HIP1: variants seen among roughly 807,000 people sequenced by gnomAD.
HIP1 encodes huntingtin-interacting protein 1.
HIP1 carries 65 observed loss-of-function variants against 147.6 expected under a neutral mutation model. The observed-to-expected ratio is 0.44, with a 90% confidence interval of 0.36 to 0.54. The LOEUF (loss-of-function observed/expected upper bound fraction) is 0.54, where lower values mean the gene tolerates loss of function less well. Ranked by LOEUF, HIP1 falls within the 20% of genes least tolerant of loss-of-function variation. HIP1 has a pLI of 0.00. For missense variants in HIP1, 1,061 were observed against 1,299.6 expected (o/e 0.82, Z 2.82); for synonymous variants, 479 against 504.0 (o/e 0.95, Z 0.67).
intron 1 of HIP1, among the ~76,000 whole-genome samples, chr7:75,650,192 A>AG (rs1563269501): frequency 1.3e-5 from 2 of 152,144 alleles, no homozygotes; most frequent in African/African-American, 2.4e-5. Context: ...CAGGGGTCAG[A>AG]GGGCCTTTTA....
intron 1 of HIP1, among the ~76,000 whole-genome samples, chr7:75,696,561 C>A (rs1800643093): frequency 9.4e-6 from 1 of 106,202 alleles, no homozygotes; most frequent in Non-Finnish European, 2.0e-5. Flanking sequence ...CCTCCCCTCC[C>A]TTCCCCTCGC....
chr7:75,708,328 T>C (rs1801064010), intron 1 of HIP1, among the ~76,000 whole-genome samples: 1 of 152,224 alleles, frequency 6.6e-6, no homozygotes, highest in Non-Finnish European at 1.5e-5. Flanking sequence ...TAGTGTCTAT[T>C]GATGCCCCAA....
At chr7:75,674,388 A>C (rs1279985319) in intron 1 of HIP1, among the ~76,000 whole-genome samples, 1 of 152,032 alleles carries the variant, frequency 6.6e-6, no homozygotes, top group African/African-American at 2.4e-5. Context: ...TTAATTTCTC[A>C]CTCATTTTTG....
chr7:75,715,774 CAAAAAA>C (rs34769081), intron 1 of HIP1, among the ~76,000 whole-genome samples: 8 of 36,718 alleles, frequency 2.2e-4, no homozygotes, highest in Non-Finnish European at 3.2e-4. Context: ...GATCCTGTCT[CAAAAAA>C]AAAAAAAAAA....
At chr7:75,646,125 G>C (rs1160284954) in intron 1 of HIP1, among the ~76,000 whole-genome samples, 1 of 152,010 alleles carries the variant, frequency 6.6e-6, no homozygotes, top group Non-Finnish European at 1.5e-5. Flanking sequence ...TGTTACCCAG[G>C]CTGGAGTGCA....
intron 1 of HIP1, among the ~76,000 whole-genome samples, chr7:75,681,218 A>C (rs559108665): frequency 8.3e-4 from 127 of 152,158 alleles, no homozygotes; most frequent in Non-Finnish European, 1.1e-3. Flanking sequence ...CAGTGATAAA[A>C]TATAACTTTC....
chr7:75,692,334 C>T (rs552299018), intron 1 of HIP1, among the ~76,000 whole-genome samples: 4 of 152,042 alleles, frequency 2.6e-5, no homozygotes, highest in Admixed American at 2.6e-4. Flanking sequence ...TCATAGCTTA[C>T]TGCAGCTTCC....
chr7:75,612,403 G>A (rs868950270), intron 1 of HIP1, among the ~76,000 whole-genome samples: 5 of 152,294 alleles, frequency 3.3e-5, no homozygotes, highest in Middle Eastern at 3.4e-3. Context: ...CAGCTACTCA[G>A]GAGGCTGAGG....
chr7:75,653,696 T>TA (rs1269150830), intron 1 of HIP1, among the ~76,000 whole-genome samples: 3 of 151,762 alleles, frequency 2.0e-5, no homozygotes, highest in African/African-American at 4.8e-5. Flanking sequence ...CTATCTCTAC[T>TA]AAAAAATACA....
At chr7:75,613,544 G>A (rs782048162) in intron 1 of HIP1, among the ~76,000 whole-genome samples, 6 of 152,080 alleles carry the variant, frequency 3.9e-5, no homozygotes, top group Non-Finnish European at 5.9e-5. Flanking sequence ...CTTCTCATCC[G>A]CCTTTGGTCC....
chr7:75,655,973 G>T (rs188282952), intron 1 of HIP1, among the ~76,000 whole-genome samples: 1 of 152,098 alleles, frequency 6.6e-6, no homozygotes, highest in Admixed American at 6.6e-5. Flanking sequence ...ACAAAAATTA[G>T]CCAGGTGTGG....
chr7:75,664,039 CACAT>C (rs1799433733), intron 1 of HIP1, among the ~76,000 whole-genome samples: 1 of 23,826 alleles, frequency 4.2e-5, no homozygotes, highest in African/African-American at 4.5e-4. Context: ...TATATATATA[CACAT>C]ATATGTGTAT....
chr7:75,677,110 G>A (rs556398715), intron 1 of HIP1, among the ~76,000 whole-genome samples: 1 of 151,566 alleles, frequency 6.6e-6, no homozygotes, highest in South Asian at 2.1e-4. Context: ...CAGGAGAATC[G>A]CTTGAACCTG....
chr7:75,602,987 G>A (rs191924962), intron 1 of HIP1, among the ~76,000 whole-genome samples: 1 of 152,106 alleles, frequency 6.6e-6, no homozygotes, highest in Admixed American at 6.6e-5. Flanking sequence ...AAATGAGACA[G>A]AGATGAGTGA....
intron 1 of HIP1, among the ~76,000 whole-genome samples, chr7:75,695,533 T>A (rs1554518663): frequency 6.6e-6 from 1 of 151,668 alleles, no homozygotes; most frequent in African/African-American, 2.4e-5. Context: ...AATACTTGCC[T>A]GCCGATATTC....
intron 1 of HIP1, among the ~76,000 whole-genome samples, chr7:75,685,153 G>A (rs1038008388): frequency 3.3e-5 from 5 of 151,954 alleles, no homozygotes; most frequent in East Asian, 1.9e-4. Context: ...GCTAGGCAGA[G>A]TGTAATCCTG....
Position 75,556,775 on chromosome 7 carries a change from G to T in HIP1, c.1618C>A (p.Gln540Lys). 6.2e-7 allele frequency: 1 copy of T among 1,613,548 alleles called. No individual in the cohort carries two copies. The highest frequency in any genetic ancestry group is 8.5e-7 in the Non-Finnish European group (1 of 1,179,548). ...EQLEVLESLK[Q>K]ELATSQRELQ... is the part of the protein sequence containing the mutation. The stretch of plus-strand genomic sequence containing the variant: ...TCCCGTTGGCTTGTGGCAAGTTCCT[G>T]CTTCAAGCTCTCTAGAACTTCCAGC... The change falls in exon 17 of 31, where the codon CAG becomes AAG. Residue 540 changes from glutamine to lysine, a missense_variant. Coordinates refer to ENST00000336926, the MANE Select transcript of HIP1 (RefSeq NM_005338.7).
At position 75,563,173 on chromosome 7, in the gene HIP1, G is replaced by T; in HGVS notation, c.879+15C>A. 1 of 1,614,162 alleles carries T rather than the reference G, an allele frequency of 6.2e-7. No individual in the cohort carries two copies. The highest frequency in any genetic ancestry group is 1.3e-5 in the African/African-American group (1 of 75,062). Reference sequence around the variant, plus strand: ...GCCTCTGCAGTGCCGAGGGTGTGTGGTTGGGCATGCTTACCTCAGGCAGCT... The same window carrying T: ...GCCTCTGCAGTGCCGAGGGTGTGTGTTTGGGCATGCTTACCTCAGGCAGCT... On this transcript the variant is annotated intron_variant, in intron 10 of 30. Transcript: ENST00000336926.
intron 7 of HIP1, among the ~76,000 whole-genome samples, chr7:75,578,380 C>CT (rs1300266486): frequency 6.6e-6 from 1 of 151,902 alleles, no homozygotes; most frequent in Non-Finnish European, 1.5e-5. Flanking sequence ...TAGCACATTC[C>CT]AAAGCTAAAT....
Sources: gnomAD v4.1 joint callset for allele counts (sites outside exome capture counted in the v4.1 genomes callset) on GRCh38, gnomAD v4.1.1 for gene constraint, MANE v1.5 for transcripts, NCBI Gene and HGNC (gene_info 2026-07-23, HGNC 2026-07-21) for gene names.